The following CPA4 variants were observed in gnomAD, a reference collection of about 807,000 sequenced individuals.
The protein encoded by CPA4 is carboxypeptidase A3.
Under a neutral mutation model 54.7 loss-of-function variants are expected in CPA4, and 49 were observed. That is an observed-to-expected ratio of 0.90 (90% confidence interval 0.71 to 1.14). The LOEUF is 1.14. Ranked by LOEUF, CPA4 falls within the 50% of genes most tolerant of loss-of-function variation. The pLI is 0.00. For missense variants in CPA4, 487 were observed against 525.1 expected (o/e 0.93, Z 0.71); for synonymous variants, 215 against 206.8 (o/e 1.04, Z -0.34).
chr7:130,300,332 A>AT (rs1793719623), intron 3 of CPA4, among the ~76,000 whole-genome samples: 1 of 142,248 alleles, frequency 7.0e-6, no homozygotes, highest in South Asian at 2.2e-4. Context: ...CCAAGAAGTA[A>AT]ATTTTTTTTT....
chr7:130,309,393 G>C (rs1793877723), intron 8 of CPA4, among the ~76,000 whole-genome samples: 1 of 152,208 alleles, frequency 6.6e-6, no homozygotes, highest in Non-Finnish European at 1.5e-5. Flanking sequence ...AGAGGAATTA[G>C]CACTGTCACC....
At chr7:130,298,906 T>C in intron 2 of CPA4, 79 bp downstream of exon 2, 1 of 863,638 alleles carries the variant, frequency 1.2e-6, no homozygotes, top group South Asian at 1.5e-5. Context: ...GCATTATTAT[T>C]TTTATTTCTG....
chr7:130,303,683 C>T (rs184954231), intron 4 of CPA4, among the ~76,000 whole-genome samples: 8 of 151,692 alleles, frequency 5.3e-5, no homozygotes, highest in Admixed American at 2.0e-4. Context: ...GGCTGGAGTG[C>T]AGTGGTGCAT....
intron 10 of CPA4, among the ~76,000 whole-genome samples, chr7:130,314,617 A>G (rs1793961318): frequency 6.6e-6 from 1 of 152,182 alleles, no homozygotes; most frequent in South Asian, 2.1e-4. Context: ...TTCTAGTTTG[A>G]GAGCAGTTAG....
At chr7:130,311,131 G>C (rs958756793) in intron 9 of CPA4, 145 bp downstream of exon 9, 3 of 660,992 alleles carry the variant, frequency 4.5e-6, no homozygotes, top group Non-Finnish European at 8.0e-6. Flanking sequence ...CCTGCCCTTT[G>C]GGATATGCTG....
At chr7:130,307,875 C>G (rs1237843120) in intron 7 of CPA4, among the ~76,000 whole-genome samples, 1 of 152,136 alleles carries the variant, frequency 6.6e-6, no homozygotes, top group East Asian at 1.9e-4. Context: ...GTTCCTTTAT[C>G]CCCTGTATTT....
At chr7:130,300,008 C>A (rs1041007738) in intron 3 of CPA4, among the ~76,000 whole-genome samples, 5 of 152,176 alleles carry the variant, frequency 3.3e-5, no homozygotes, top group African/African-American at 1.2e-4. Context: ...GGGTCTGGCT[C>A]ATGCTCTCTC....
Position 130,305,879 on chromosome 7 carries a change from G to T in CPA4, c.550G>T (p.Glu184Ter). ...GCTGAATGCAGGCATCCATTCCCGA[G>T]AGTGGATCTCCCAGGCCACTGCAAT... ...VWLNAGIHSR[E>*]WISQATAIWT... is the part of the protein sequence containing the mutation. Residue 184 changes from glutamate (E) to a stop codon, truncating the protein, a stop_gained, in exon 6 of 11, where the codon GAG (glutamate) becomes TAG (stop). Transcript: ENST00000222482. LOFTEE classifies it high-confidence loss of function. The T allele has an allele frequency of 1.2e-6, 2 of 1,614,188 alleles. No individual in the cohort carries two copies. Among genetic ancestry groups the T allele is most frequent in the South Asian group, 2.2e-5 (2 of 91,072 alleles).
At position 130,322,878 on chromosome 7, in the gene CPA4, A is replaced by G. The variant is rs1170323706; in HGVS notation, c.*202A>G. ...AAGAACTGGTTCTGCCAGCCTGCTCAATTTTGGTCCTGCTGTTTTTGATGA... is the reference window on the plus strand; with the variant it reads ...AAGAACTGGTTCTGCCAGCCTGCTCGATTTTGGTCCTGCTGTTTTTGATGA... On this transcript the variant is annotated 3_prime_UTR_variant, in exon 11 of 11. Coordinates refer to ENST00000222482, the MANE Select transcript of CPA4 (RefSeq NM_016352.4). 6.2e-6 allele frequency: 3 copies of G among 486,440 alleles called. No homozygotes were observed. The highest frequency in any genetic ancestry group is 1.1e-5 in the Non-Finnish European group (3 of 279,884). The allele number at this position is 486,440 out of a possible 1,614,324, so 30.1% of individuals were successfully genotyped here.
At chr7:130,295,574 G>A (rs1017581840) in intron 1 of CPA4, among the ~76,000 whole-genome samples, 4 of 152,134 alleles carry the variant, frequency 2.6e-5, no homozygotes, top group African/African-American at 9.7e-5. Context: ...AACTGACGAG[G>A]GCATTTTTCA....
intron 10 of CPA4, among the ~76,000 whole-genome samples, chr7:130,319,434 T>G (rs751487366): frequency 6.6e-5 from 10 of 152,174 alleles, no homozygotes; most frequent in Admixed American, 4.6e-4. Flanking sequence ...ACAAAAGACA[T>G]GTACAGGGGC....
At chr7:130,300,038 G>A (rs958713954) in intron 3 of CPA4, among the ~76,000 whole-genome samples, 5 of 152,192 alleles carry the variant, frequency 3.3e-5, no homozygotes, top group African/African-American at 1.2e-4. Context: ...GGTGGGTTAT[G>A]GACTAATTGG....
chr7:130,320,926 G>A lies in CPA4; in HGVS notation c.1079-1563G>A, dbSNP rs1371297188. Among the ~76,000 whole-genome samples the A allele has an allele frequency of 4.6e-5, 7 of 152,210 alleles. No individual in the cohort carries two copies. In the South Asian group the frequency reaches 8.3e-4, roughly 18 times the overall value. Reference sequence around the variant, plus strand: ...TTATTTAATGTCATCCAGGCCAGGCGTGGGATTCACACCTTTAATCCCAGC... The same window carrying A: ...TTATTTAATGTCATCCAGGCCAGGCATGGGATTCACACCTTTAATCCCAGC... On this transcript the variant is annotated intron_variant, in intron 10 of 10. Coordinates refer to ENST00000222482, the MANE Select transcript of CPA4 (RefSeq NM_016352.4).
intron 2 of CPA4, among the ~76,000 whole-genome samples, 182 bp from the exon 3 acceptor site, chr7:130,299,088 C>T (rs1365487219): frequency 6.6e-6 from 1 of 152,234 alleles, no homozygotes; most frequent in Non-Finnish European, 1.5e-5. Context: ...TGGTCTCTGC[C>T]AGATACTGCT....
chr7:130,305,995 T>C (rs1584748857), intron 6 of CPA4, 75 bp downstream of exon 6: 2 of 1,271,932 alleles, frequency 1.6e-6, no homozygotes, highest in African/African-American at 1.5e-5. Flanking sequence ...TGGCTGGGCC[T>C]GGGGCACGAG....
At chr7:130,312,146 TTATTTAG>T in intron 10 of CPA4, 24 bp downstream of exon 10, 1 of 1,559,212 alleles carries the variant, frequency 6.4e-7, no homozygotes. Context: ...TATTTATGAG[TTATTTAG>T]AAAGCACTTT....
In CPA4 at chr7:130,310,950, G is replaced by C; in HGVS notation, c.957G>C (p.Gly319=). ...SYSQLLMYPY[G]YSVKKAPDAE... The stretch of plus-strand genomic sequence containing the variant: ...CGCAGCTGCTGATGTATCCATATGG[G>C]TACTCAGTCAAAAAGGCCCCAGATG... The change falls in exon 9 of 11, where the codon GGG becomes GGC. Residue 319 remains glycine (G), a synonymous_variant. Transcript: ENST00000222482. This position sits in a 1 kb window ranked among gnomAD's most constrained non-coding sequence, Gnocchi z 4.3. 6.2e-7 allele frequency: 1 copy of C among 1,614,048 alleles called. No individual in the cohort carries two copies. Among genetic ancestry groups the C allele is most frequent in the Non-Finnish European group, 8.5e-7 (1 of 1,180,018 alleles).
In CPA4 at chr7:130,323,441, A is replaced by G. The variant is rs1021180414; in HGVS notation, c.*765A>G. The stretch of plus-strand genomic sequence containing the variant: ...TCCATGTTGGTCAGGCTGGTCTCAA[A>G]CTCCCAACCTCAGGTGATCTGCCCT... On this transcript the variant is annotated 3_prime_UTR_variant, in exon 11 of 11. Transcript: ENST00000222482. 9.9e-5 allele frequency: 15 copies of G among 151,070 alleles called. No homozygotes were observed. Among genetic ancestry groups the G allele is most frequent in the African/African-American group, 3.7e-4 (15 of 40,996 alleles). The allele number at this position is 151,070 out of a possible 1,614,324, so 9.4% of individuals were successfully genotyped here.
chr7:130,309,968 T>C (rs1367990247), intron 8 of CPA4, among the ~76,000 whole-genome samples: 1 of 152,208 alleles, frequency 6.6e-6, no homozygotes, highest in Non-Finnish European at 1.5e-5. Flanking sequence ...GGTTTTGCCA[T>C]GTTGCCCAGA....
Sources: allele counts gnomAD v4.1 joint callset (sites outside exome capture counted in the v4.1 genomes callset), GRCh38; gene constraint gnomAD v4.1.1; non-coding constraint Gnocchi (gnomAD v3.1); transcripts MANE v1.5; gene names NCBI Gene and HGNC (gene_info 2026-07-23, HGNC 2026-07-21).